NELL1: variants seen among roughly 807,000 people sequenced by gnomAD.
NELL1 encodes protein kinase C-binding protein NELL1.
A neutral mutation model predicts 107.4 loss-of-function variants in NELL1; 76 were observed. The ratio of observed to expected loss-of-function variants is 0.71; its 90% CI spans 0.59 to 0.86. NELL1 has a LOEUF of 0.86. Among genes scored for constraint, NELL1 ranks in the 40% least tolerant of loss-of-function variants. The pLI, the probability that NELL1 is intolerant of heterozygous loss-of-function variation, is 0.00. For missense variants in NELL1, 1,024 were observed against 1,005.5 expected, an observed-to-expected ratio of 1.02 and a Z score of -0.25; for synonymous variants, 353 against 341.2, an observed-to-expected ratio of 1.03 and a Z score of -0.38.
At chr11:21,480,642 GTTTGA>G in intron 15 of NELL1, among the ~76,000 whole-genome samples, 1 of 152,274 alleles carries the variant, frequency 6.6e-6, no homozygotes, top group South Asian at 2.1e-4. Flanking sequence ...TTCAATGAAT[GTTTGA>G]TTTAAGCTCC....
At chr11:20,905,475 C>T (rs921019014) in intron 5 of NELL1, among the ~76,000 whole-genome samples, 1 of 152,008 alleles carries the variant, frequency 6.6e-6, no homozygotes, top group African/African-American at 2.4e-5. Context: ...ACTGTACAGA[C>T]TTTAAAATAA....
chr11:21,061,405 C>T (rs1387072659), intron 12 of NELL1, among the ~76,000 whole-genome samples: 2 of 152,120 alleles, frequency 1.3e-5, no homozygotes, highest in East Asian at 1.9e-4. Context: ...TTCAGTAGAA[C>T]TTTGAAGGGT....
chr11:21,533,525 G>T lies in NELL1; in HGVS notation c.1646-849G>T, dbSNP rs574589262. ...TGAACTGAACCCGGTTTAAAAATTGGCAACTCTGTTTTCTGCAATGGTGTC... is the reference window on the plus strand; with the variant it reads ...TGAACTGAACCCGGTTTAAAAATTGTCAACTCTGTTTTCTGCAATGGTGTC... On this transcript the variant is annotated intron_variant, in intron 15 of 19. Transcript: ENST00000357134. Among the ~76,000 whole-genome samples, 13 of 152,244 alleles carry T rather than the reference G, an allele frequency of 8.5e-5. No individual in the cohort carries two copies. The East Asian group carries it at 1.2e-3, about 14-fold the overall frequency.
intron 15 of NELL1, among the ~76,000 whole-genome samples, chr11:21,391,561 T>C (rs1851879247): frequency 6.6e-6 from 1 of 151,846 alleles, no homozygotes; most frequent in African/African-American, 2.4e-5. Context: ...TTTTTCTTTT[T>C]GTGGGGTGAT....
At chr11:21,492,147 C>T (rs1280747185) in intron 15 of NELL1, among the ~76,000 whole-genome samples, 1 of 152,136 alleles carries the variant, frequency 6.6e-6, no homozygotes, top group Non-Finnish European at 1.5e-5. Context: ...TGAAAAAATG[C>T]TCACCATCAC....
In NELL1 at chr11:20,794,226, C is replaced by T. The variant is rs117594671; in HGVS notation, c.335+10396C>T. 3.8e-3 allele frequency among the ~76,000 whole-genome samples: 586 copies of T among 152,254 alleles called. 1 individual carries two copies. The highest frequency in any genetic ancestry group is 4.8e-3 in the Non-Finnish European group (328 of 68,028). On this transcript the variant is annotated intron_variant, in intron 3 of 19. Coordinates refer to ENST00000357134, the MANE Select transcript of NELL1 (RefSeq NM_006157.5). ...TAGCATTGTGCCAAGGATGAGAGAA[C>T]ATGGATATTGGAAACATTAGGCAGT...
At chr11:21,308,014 T>A (rs1849644964) in intron 14 of NELL1, among the ~76,000 whole-genome samples, 1 of 152,010 alleles carries the variant, frequency 6.6e-6, no homozygotes. Flanking sequence ...GTATGATTAC[T>A]TACATACAGG....
intron 12 of NELL1, among the ~76,000 whole-genome samples, chr11:21,061,021 C>T (rs1024773132): frequency 6.6e-6 from 1 of 152,210 alleles, no homozygotes; most frequent in Non-Finnish European, 1.5e-5. Flanking sequence ...AGGCGTGAGC[C>T]ACCACGCCTG....
At chr11:20,873,302 A>G (rs1849239686) in intron 4 of NELL1, among the ~76,000 whole-genome samples, 1 of 152,154 alleles carries the variant, frequency 6.6e-6, no homozygotes, top group Admixed American at 6.5e-5. Context: ...CTCTCTTCCT[A>G]TAAGATTGTG....
intron 2 of NELL1, among the ~76,000 whole-genome samples, chr11:20,717,479 A>G (rs545535385): frequency 3.9e-5 from 6 of 152,176 alleles, no homozygotes; most frequent in Admixed American, 3.9e-4. Context: ...CTTTACAACA[A>G]AAGTTTCTGT....
At chr11:20,819,295 T>C (rs1857695736) in intron 3 of NELL1, among the ~76,000 whole-genome samples, 1 of 152,056 alleles carries the variant, frequency 6.6e-6, no homozygotes, top group African/African-American at 2.4e-5. Context: ...GTGGAACAGG[T>C]GAGGTTGTCA....
intron 14 of NELL1, among the ~76,000 whole-genome samples, chr11:21,271,508 C>T (rs1196021995): frequency 6.6e-6 from 1 of 152,116 alleles, no homozygotes; most frequent in East Asian, 1.9e-4. Context: ...ACAGAAGCAC[C>T]AGGCCCAGAT....
chr11:21,534,002 C>T (rs142095903), intron 15 of NELL1, among the ~76,000 whole-genome samples: 7 of 152,066 alleles, frequency 4.6e-5, no homozygotes, highest in Non-Finnish European at 8.8e-5. Context: ...TCAAAGGACA[C>T]ACCATAAAAT....
intron 13 of NELL1, among the ~76,000 whole-genome samples, chr11:21,197,384 G>A (rs974945245): frequency 1.8e-4 from 27 of 147,236 alleles, no homozygotes; most frequent in African/African-American, 6.3e-4. Flanking sequence ...ATGCTTCTGG[G>A]TTCCTGTAGA....
intron 16 of NELL1, among the ~76,000 whole-genome samples, chr11:21,546,322 G>A (rs1012849212): frequency 2.6e-5 from 4 of 151,976 alleles, no homozygotes; most frequent in African/African-American, 9.7e-5. Flanking sequence ...TTGAGGCTCA[G>A]TGTGAGCAAT....
intron 13 of NELL1, among the ~76,000 whole-genome samples, chr11:21,187,981 T>G (rs1856969630): frequency 6.6e-6 from 1 of 151,846 alleles, no homozygotes; most frequent in Admixed American, 6.6e-5. Context: ...TGATACCTGT[T>G]TCAAAGGGTG....
At chr11:21,137,748 GGAA>G (rs1411493984) in intron 13 of NELL1, among the ~76,000 whole-genome samples, 1 of 152,148 alleles carries the variant, frequency 6.6e-6, no homozygotes, top group African/African-American at 2.4e-5. Context: ...CTGGCTTTGT[GGAA>G]GAAGAGGAAA....
intron 13 of NELL1, among the ~76,000 whole-genome samples, chr11:21,187,517 C>T (rs572807247): frequency 6.6e-6 from 1 of 151,906 alleles, no homozygotes; most frequent in Non-Finnish European, 1.5e-5. Context: ...ATTGACTGGT[C>T]TATTAAGCAA....
chr11:21,408,730 G>T (rs542353802), intron 15 of NELL1, among the ~76,000 whole-genome samples: 1 of 152,168 alleles, frequency 6.6e-6, no homozygotes, highest in Admixed American at 6.6e-5. Context: ...TTTTAGACAT[G>T]AAGTCTTTGC....
Sources: gnomAD v4.1 joint callset for allele counts (sites outside exome capture counted in the v4.1 genomes callset) on GRCh38, gnomAD v4.1.1 for gene constraint, MANE v1.5 for transcripts, NCBI Gene and HGNC (gene_info 2026-07-23, HGNC 2026-07-21) for gene names.